GMDS: variants seen among roughly 807,000 people sequenced by gnomAD.
GMDS encodes the protein GDP-mannose 4,6 dehydratase.
A neutral mutation model predicts 49.9 loss-of-function variants in GMDS; 20 were observed. That is an observed-to-expected ratio of 0.40 (90% CI 0.28 to 0.58). The LOEUF (loss-of-function observed/expected upper bound fraction) is 0.58, where lower values mean the gene tolerates loss of function less well. Among genes scored for constraint, GMDS ranks in the 20% least tolerant of loss-of-function variants. GMDS has a pLI of 0.42. For synonymous variants in GMDS, 177 were observed against 178.6 expected (o/e 0.99, Z 0.07); for missense variants, 362 against 481.4 (o/e 0.75, Z 2.32).
chr6:2,221,314 G>A (rs562608890), intron 1 of GMDS, among the ~76,000 whole-genome samples: 1 of 152,154 alleles, frequency 6.6e-6, no homozygotes, highest in South Asian at 2.1e-4. Flanking sequence ...GACTTCAATT[G>A]CATTTTATTA....
At chr6:1,926,574 A>G (rs1484476767) in intron 7 of GMDS, among the ~76,000 whole-genome samples, 11 of 152,236 alleles carry the variant, frequency 7.2e-5, no homozygotes, top group Admixed American at 7.2e-4. Flanking sequence ...AGTTGATTTC[A>G]GTGTCAGGGT....
intron 7 of GMDS, among the ~76,000 whole-genome samples, chr6:1,769,275 C>CA (rs1768479717): frequency 6.6e-6 from 1 of 152,216 alleles, no homozygotes; most frequent in Admixed American, 6.5e-5. Flanking sequence ...AGAAGGTATG[C>CA]AGTCTAACTT....
At chr6:2,170,489 T>G (rs1307069455) in intron 1 of GMDS, among the ~76,000 whole-genome samples, 1 of 151,940 alleles carries the variant, frequency 6.6e-6, no homozygotes, top group Non-Finnish European at 1.5e-5. Flanking sequence ...TAGATGGGCA[T>G]AGTGGTGCAC....
chr6:1,963,181 CTT>C (rs75060505), intron 4 of GMDS, among the ~76,000 whole-genome samples: 7 of 143,370 alleles, frequency 4.9e-5, no homozygotes, highest in Admixed American at 7.0e-5. Context: ...AGCCTACTTC[CTT>C]TTTTTTTTTT....
At chr6:1,867,078 C>A (rs1184220794) in intron 7 of GMDS, among the ~76,000 whole-genome samples, 1 of 152,214 alleles carries the variant, frequency 6.6e-6, no homozygotes, top group African/African-American at 2.4e-5. Context: ...TCCCAATTCA[C>A]TGACAATAAT....
rs569970067 is a variant in GMDS, at chr6:2,047,680, G to T, written c.345+68091C>A. On this transcript the variant is annotated intron_variant, in intron 4 of 10. Coordinates refer to ENST00000380815, the MANE Select transcript of GMDS (RefSeq NM_001500.4). ...ATTTTCGTCATTTTAGTAGAGATGGGGTCTCGCCATGTTAGCCAGGCTGGT... is the reference window on the plus strand; with the variant it reads ...ATTTTCGTCATTTTAGTAGAGATGGTGTCTCGCCATGTTAGCCAGGCTGGT... Among the ~76,000 whole-genome samples, 297 of 151,958 alleles carry T rather than the reference G, an allele frequency of 2.0e-3. 2 individuals carry two copies. The highest frequency in any genetic ancestry group is 4.0e-3 in the South Asian group (19 of 4,802).
At chr6:1,983,379 T>C (rs188060231) in intron 4 of GMDS, among the ~76,000 whole-genome samples, 144 of 152,112 alleles carry the variant, frequency 9.5e-4, no homozygotes, top group Middle Eastern at 3.4e-3. Context: ...GTTGAGAAAT[T>C]GTATCTAATT....
At chr6:1,821,628 T>G (rs893028176) in intron 7 of GMDS, among the ~76,000 whole-genome samples, 16 of 149,870 alleles carry the variant, frequency 1.1e-4, no homozygotes, top group East Asian at 3.9e-4. Context: ...TTTTTTTTTT[T>G]TTTTTTTTTT....
At chr6:1,982,190 T>C (rs1371745937) in intron 4 of GMDS, among the ~76,000 whole-genome samples, 2 of 151,976 alleles carry the variant, frequency 1.3e-5, no homozygotes, top group African/African-American at 4.8e-5. Flanking sequence ...TCTGTAATCC[T>C]AGCTACTTGG....
intron 8 of GMDS, among the ~76,000 whole-genome samples, chr6:1,742,082 C>T (rs546872777): frequency 6.6e-6 from 1 of 151,636 alleles, no homozygotes; most frequent in South Asian, 2.1e-4. Flanking sequence ...CCACCACGCC[C>T]AGCTAATTTT....
chr6:2,185,855 A>C (rs1418863593), intron 1 of GMDS, among the ~76,000 whole-genome samples: 1 of 152,176 alleles, frequency 6.6e-6, no homozygotes, highest in East Asian at 1.9e-4. Context: ...GAGTTTCTAG[A>C]ATATGCTCAC....
chr6:1,944,365 C>T (rs1395382939), intron 6 of GMDS, among the ~76,000 whole-genome samples: 2 of 152,102 alleles, frequency 1.3e-5, no homozygotes, highest in East Asian at 1.9e-4. Context: ...ATTAGACAGG[C>T]GTGGTGGCGG....
At chr6:2,075,095 C>T (rs1467600172) in intron 4 of GMDS, among the ~76,000 whole-genome samples, 8 of 151,922 alleles carry the variant, frequency 5.3e-5, no homozygotes, top group Admixed American at 5.3e-4. Flanking sequence ...AGCTTTATTC[C>T]TTTTGCTCAG....
At chr6:1,661,336 C>T (rs2814807) in intron 9 of GMDS, among the ~76,000 whole-genome samples, 62,360 of 152,076 alleles carry the variant, frequency 0.41, 13,463 homozygotes, top group East Asian at 0.6. Context: ...TCTAATAACA[C>T]GCAAGGACTA....
At chr6:1,789,772 T>A (rs1769464263) in intron 7 of GMDS, among the ~76,000 whole-genome samples, 1 of 152,134 alleles carries the variant, frequency 6.6e-6, no homozygotes, top group Non-Finnish European at 1.5e-5. Flanking sequence ...ACTCCTGGGT[T>A]CATGTGGTCC....
intron 7 of GMDS, among the ~76,000 whole-genome samples, chr6:1,841,090 AT>A (rs1757134566): frequency 6.6e-6 from 1 of 152,166 alleles, no homozygotes; most frequent in South Asian, 2.1e-4. Flanking sequence ...AATTCTCGGG[AT>A]TTTTTTAAGC....
At chr6:1,842,673 A>T (rs1478705673) in intron 7 of GMDS, among the ~76,000 whole-genome samples, 1 of 152,200 alleles carries the variant, frequency 6.6e-6, no homozygotes, top group Non-Finnish European at 1.5e-5. Flanking sequence ...ACATTTTTTA[A>T]GGTTAAAGCC....
intron 4 of GMDS, among the ~76,000 whole-genome samples, chr6:2,066,303 C>T (rs1771586281): frequency 6.8e-6 from 1 of 147,564 alleles, no homozygotes; most frequent in African/African-American, 2.6e-5. Flanking sequence ...GTACCAGCCA[C>T]TGCAAAATCA....
intron 7 of GMDS, among the ~76,000 whole-genome samples, chr6:1,875,380 C>A (rs557604688): frequency 2.0e-5 from 3 of 151,750 alleles, no homozygotes; most frequent in Non-Finnish European, 4.4e-5. Context: ...TCAACAAACT[C>A]TCTGAATGTT....
Sources: allele counts gnomAD v4.1 joint callset (sites outside exome capture counted in the v4.1 genomes callset), GRCh38; gene constraint gnomAD v4.1.1; transcripts MANE v1.5; gene names NCBI Gene and HGNC (gene_info 2026-07-23, HGNC 2026-07-21).